The following ITK variants were observed in gnomAD, a reference collection of about 807,000 sequenced individuals.
The protein encoded by ITK is IL2 inducible T cell kinase.
A neutral mutation model predicts 87.6 loss-of-function variants in ITK; 45 were observed. The ratio of observed to expected loss-of-function variants is 0.51; its 90% CI spans 0.40 to 0.66. The LOEUF (loss-of-function observed/expected upper bound fraction) is 0.66. ITK is among the 30% of genes least tolerant of loss of function. The pLI is 0.00. For synonymous variants in ITK, 303 were observed against 273.6 expected, an observed-to-expected ratio of 1.11 and a Z score of -1.06; for missense variants, 605 against 766.3, an observed-to-expected ratio of 0.79 and a Z score of 2.48.
chr5:157,184,590 T>C (rs952434330), intron 1 of ITK, among the ~76,000 whole-genome samples: 1 of 152,138 alleles, frequency 6.6e-6, no homozygotes, highest in African/African-American at 2.4e-5. Flanking sequence ...TAAAGCATCA[T>C]AGATTGGTGT....
chr5:157,221,591 G>C (rs1415714596), intron 5 of ITK, among the ~76,000 whole-genome samples: 1 of 150,876 alleles, frequency 6.6e-6, no homozygotes, highest in Non-Finnish European at 1.5e-5. Flanking sequence ...ATGATTATTA[G>C]AAAAAAAAAT....
At chr5:157,231,431 G>A (rs140428264) in intron 7 of ITK, among the ~76,000 whole-genome samples, 14 of 152,172 alleles carry the variant, frequency 9.2e-5, no homozygotes, top group African/African-American at 2.6e-4. Context: ...CCCAATCCTC[G>A]ATTAGATAAT....
At chr5:157,190,963 C>T (rs1408989372) in intron 1 of ITK, among the ~76,000 whole-genome samples, 3 of 151,964 alleles carry the variant, frequency 2.0e-5, no homozygotes, top group African/African-American at 7.3e-5. Flanking sequence ...GGTGTGAGTC[C>T]CTCCATCTAG....
At chr5:157,229,487 G>A (rs1269469563) in intron 7 of ITK, among the ~76,000 whole-genome samples, 2 of 152,004 alleles carry the variant, frequency 1.3e-5, no homozygotes, top group Non-Finnish European at 2.9e-5. Context: ...TACTTATAAG[G>A]ATATATTCAT....
At chr5:157,239,947 G>A in intron 9 of ITK, 115 bp from the exon 10 acceptor site, 1 of 1,032,770 alleles carries the variant, frequency 9.7e-7, no homozygotes, top group Non-Finnish European at 1.5e-6. Context: ...AACAATATCT[G>A]CCACCTTGTG....
chr5:157,220,747 C>A (rs1352868088), intron 5 of ITK, among the ~76,000 whole-genome samples: 1 of 152,180 alleles, frequency 6.6e-6, no homozygotes, highest in African/African-American at 2.4e-5. Context: ...CAAACTCAAT[C>A]CTGCCTTTTA....
At chr5:157,232,117 AT>A (rs1269663657) in intron 7 of ITK, among the ~76,000 whole-genome samples, 1 of 152,236 alleles carries the variant, frequency 6.6e-6, no homozygotes. Context: ...CCAATTAAAC[AT>A]TTTAATACCT....
chr5:157,244,165 A>G, intron 12 of ITK, 97 bp from the exon 13 acceptor site: 1 of 979,738 alleles, frequency 1.0e-6, no homozygotes, highest in Non-Finnish European at 1.6e-6. Flanking sequence ...ACCATAAATT[A>G]GACAAAATGA....
chr5:157,191,045 G>A (rs1753743259), intron 1 of ITK, among the ~76,000 whole-genome samples: 1 of 152,208 alleles, frequency 6.6e-6, no homozygotes, highest in African/African-American at 2.4e-5. Context: ...GCTGGGTACA[G>A]TCTCCTGCAG....
intron 1 of ITK, among the ~76,000 whole-genome samples, chr5:157,191,246 CT>C (rs1239353725): frequency 6.6e-6 from 1 of 151,970 alleles, no homozygotes; most frequent in African/African-American, 2.4e-5. Context: ...TATGTTTTAA[CT>C]TTTTTGTGGC....
intron 16 of ITK, among the ~76,000 whole-genome samples, chr5:157,249,463 A>G (rs1755097479): frequency 6.6e-6 from 1 of 152,168 alleles, no homozygotes; most frequent in Admixed American, 6.5e-5. Context: ...ATTCCTCTGT[A>G]CCCGCCCAGG....
At chr5:157,251,027 T>C (rs1250699749) in intron 16 of ITK, among the ~76,000 whole-genome samples, 10 of 152,242 alleles carry the variant, frequency 6.6e-5, no homozygotes, top group Non-Finnish European at 1.5e-4. Flanking sequence ...AATTTTCAAC[T>C]CAATTGGGTA....
At chr5:157,231,650 T>C (rs13163030) in intron 7 of ITK, among the ~76,000 whole-genome samples, 2,488 of 152,234 alleles carry the variant, frequency 0.016, 28 homozygotes, top group Non-Finnish European at 0.027. Flanking sequence ...CTGCCTCCTC[T>C]TACCTAAAAA....
intron 5 of ITK, 74 bp downstream of exon 5, chr5:157,217,981 C>A: frequency 1.6e-6 from 2 of 1,263,348 alleles, no homozygotes; most frequent in Non-Finnish European, 2.3e-6. Flanking sequence ...ATTTGCATGT[C>A]CCCCTCTCCC....
chr5:157,228,177 G>A (rs911499838), intron 6 of ITK, 119 bp from the exon 7 acceptor site: 25 of 730,630 alleles, frequency 3.4e-5, no homozygotes, highest in Middle Eastern at 3.7e-4. Context: ...ATGTCTTATC[G>A]CAAATGCCAA....
chr5:157,233,983 T>A (rs1455640380), intron 8 of ITK, among the ~76,000 whole-genome samples: 1 of 78,852 alleles, frequency 1.3e-5, no homozygotes, highest in African/African-American at 4.5e-5. Context: ...TTTTTTTTTT[T>A]TTTTTTTTTT....
At chr5:157,237,618 C>CT (rs1754803137) in intron 8 of ITK, among the ~76,000 whole-genome samples, 2 of 152,290 alleles carry the variant, frequency 1.3e-5, no homozygotes, top group African/African-American at 4.8e-5. Flanking sequence ...GGAGAAGCAG[C>CT]TTCTAACATT....
At chr5:157,211,406 T>C in intron 3 of ITK, 38 bp downstream of exon 3, 1 of 1,496,576 alleles carries the variant, frequency 6.7e-7, no homozygotes, top group East Asian at 2.3e-5. Context: ...ACTGACACTC[T>C]TGATCCTATA....
chr5:157,189,694 A>G (rs1753714682), intron 1 of ITK, among the ~76,000 whole-genome samples: 1 of 152,202 alleles, frequency 6.6e-6, no homozygotes, highest in Non-Finnish European at 1.5e-5. Flanking sequence ...ACAGAAAAAA[A>G]GGAAAAGAAG....
Sources: allele counts gnomAD v4.1 joint callset (sites outside exome capture counted in the v4.1 genomes callset), GRCh38; gene constraint gnomAD v4.1.1; transcripts MANE v1.5; gene names NCBI Gene and HGNC (gene_info 2026-07-23, HGNC 2026-07-21).